Variants in ROBO2 observed in about 807,000 individuals in gnomAD.
The protein encoded by ROBO2 is roundabout guidance receptor 2.
ROBO2 carries 53 observed loss-of-function variants against 160.8 expected under a neutral mutation model. The observed-to-expected ratio is 0.33, with a 90% CI of 0.26 to 0.41. The LOEUF (loss-of-function observed/expected upper bound fraction) is 0.41, where lower values mean the gene tolerates loss of function less well. ROBO2 is among the 10% of genes least tolerant of loss of function. The pLI is 1.00. For synonymous variants in ROBO2, 664 were observed against 611.7 expected (o/e 1.09, Z -1.26); for missense variants, 1,577 against 1,722.4 (o/e 0.92, Z 1.49).
At chr3:76,061,131 C>T (rs567266391) in intron 2 of ROBO2, among the ~76,000 whole-genome samples, 56 of 152,156 alleles carry the variant, frequency 3.7e-4, no homozygotes, top group Non-Finnish European at 7.5e-4. Flanking sequence ...AAGGTGACTT[C>T]ACATGTGCAA....
chr3:77,647,840 A>G (rs1333625846), exon 26 of ROBO2: 2 of 152,162 alleles, frequency 1.3e-5, no homozygotes, highest in Admixed American at 6.6e-5. Context: ...TTCGCACTCC[A>G]TGCATTATTG....
intron 2 of ROBO2, among the ~76,000 whole-genome samples, chr3:77,215,829 G>A (rs2151144381): frequency 6.6e-6 from 1 of 152,290 alleles, no homozygotes; most frequent in Non-Finnish European, 1.5e-5. Flanking sequence ...GTCTGTTGGA[G>A]TTTGCTGGAG....
At chr3:77,237,010 A>T (rs1329353409) in intron 2 of ROBO2, among the ~76,000 whole-genome samples, 1 of 151,914 alleles carries the variant, frequency 6.6e-6, no homozygotes, top group Admixed American at 6.6e-5. Flanking sequence ...AGTAGCTAGG[A>T]CTACAGGCAC....
At chr3:76,573,005 T>A (rs915546143) in intron 2 of ROBO2, among the ~76,000 whole-genome samples, 1 of 152,182 alleles carries the variant, frequency 6.6e-6, no homozygotes, top group Non-Finnish European at 1.5e-5. Context: ...ATTTGTGTAG[T>A]AGGAATCCAG....
intron 1 of ROBO2, among the ~76,000 whole-genome samples, chr3:75,936,081 C>A (rs1332383608): frequency 6.6e-6 from 1 of 152,166 alleles, no homozygotes; most frequent in East Asian, 1.9e-4. Context: ...GGTACTTAAA[C>A]TGTCACTGTC....
intron 16 of ROBO2, among the ~76,000 whole-genome samples, chr3:77,585,535 A>G (rs2094023456): frequency 6.6e-6 from 1 of 152,064 alleles, no homozygotes; most frequent in Non-Finnish European, 1.5e-5. Flanking sequence ...AGAAAATAAT[A>G]TATCTATCTT....
At chr3:76,808,510 A>G (rs2064915666) in intron 2 of ROBO2, among the ~76,000 whole-genome samples, 1 of 152,156 alleles carries the variant, frequency 6.6e-6, no homozygotes. Flanking sequence ...GACAAAAAAT[A>G]AGCAATGTAA....
At chr3:77,355,547 G>T (rs775319345) in intron 2 of ROBO2, among the ~76,000 whole-genome samples, 1 of 152,034 alleles carries the variant, frequency 6.6e-6, no homozygotes, top group African/African-American at 2.4e-5. Flanking sequence ...GCTGAGATGC[G>T]GATTCAGGAA....
intron 2 of ROBO2, among the ~76,000 whole-genome samples, chr3:76,924,779 T>C (rs2076875470): frequency 6.6e-6 from 1 of 152,256 alleles, no homozygotes; most frequent in Admixed American, 6.5e-5. Flanking sequence ...CTGATTGGTA[T>C]GTCCCTTCTG....
intron 2 of ROBO2, among the ~76,000 whole-genome samples, chr3:77,288,261 G>A (rs1313930535): frequency 2.0e-5 from 3 of 152,198 alleles, no homozygotes; most frequent in Non-Finnish European, 4.4e-5. Context: ...AAGGATGATG[G>A]TAGTGGGTAG....
chr3:76,459,052 A>G (rs1379522354), intron 2 of ROBO2, among the ~76,000 whole-genome samples: 3 of 152,188 alleles, frequency 2.0e-5, no homozygotes, highest in Non-Finnish European at 2.9e-5. Flanking sequence ...CTCAAAATGT[A>G]TAAATATTCC....
At chr3:77,576,725 T>C (rs550952119) in intron 14 of ROBO2, among the ~76,000 whole-genome samples, 26 of 152,252 alleles carry the variant, frequency 1.7e-4, no homozygotes, top group African/African-American at 4.6e-4. Flanking sequence ...CCATTTCACA[T>C]TTGACCCAAC....
rs146710905 is a variant in ROBO2, at chr3:76,524,151, T to A, written c.110-573863T>A. On this transcript the variant is annotated intron_variant, in intron 2 of 26. Transcript: ENST00000487694. The stretch of plus-strand genomic sequence containing the variant: ...AGAAAATGATCATAACAGATGTTAA[T>A]GAACTTGTGAATTTGTGTACAAATC... 1.7e-3 allele frequency among the ~76,000 whole-genome samples: 264 copies of A among 152,200 alleles called. 1 individual carries two copies. Among genetic ancestry groups the A allele is most frequent in the South Asian group, 0.013 (65 of 4,824 alleles).
At chr3:77,441,116 C>G (rs1322898549) in intron 2 of ROBO2, among the ~76,000 whole-genome samples, 1 of 151,946 alleles carries the variant, frequency 6.6e-6, no homozygotes, top group African/African-American at 2.4e-5. Context: ...CCCTCTGGAC[C>G]TTTCCTCTTT....
At chr3:76,933,337 T>A (rs1212720971) in intron 2 of ROBO2, among the ~76,000 whole-genome samples, 7 of 152,204 alleles carry the variant, frequency 4.6e-5, no homozygotes, top group Non-Finnish European at 4.4e-5. Context: ...GTGAACTATA[T>A]CTAATTACTT....
At chr3:76,350,135 T>A (rs1378444366) in intron 2 of ROBO2, among the ~76,000 whole-genome samples, 2 of 152,056 alleles carry the variant, frequency 1.3e-5, no homozygotes, top group Admixed American at 1.3e-4. Flanking sequence ...CCATTATCAA[T>A]GGCAAAGTCA....
At chr3:76,602,462 C>T (rs576927784) in intron 2 of ROBO2, among the ~76,000 whole-genome samples, 1 of 152,336 alleles carries the variant, frequency 6.6e-6, no homozygotes, top group South Asian at 2.1e-4. Context: ...TTTAATTCAA[C>T]TCACAGTTCC....
intron 6 of ROBO2, among the ~76,000 whole-genome samples, chr3:77,546,113 T>C (rs766688956): frequency 6.6e-6 from 1 of 152,174 alleles, no homozygotes; most frequent in Non-Finnish European, 1.5e-5. Context: ...AGGATTACAA[T>C]GTACAACATA....
intron 2 of ROBO2, among the ~76,000 whole-genome samples, chr3:76,619,128 C>T (rs1175252386): frequency 6.6e-6 from 1 of 151,632 alleles, no homozygotes; most frequent in Non-Finnish European, 1.5e-5. Flanking sequence ...ATCACGAGGT[C>T]AGGAGATCGA....
Sources: allele counts gnomAD v4.1 joint callset (sites outside exome capture counted in the v4.1 genomes callset), GRCh38; gene constraint gnomAD v4.1.1; transcripts MANE v1.5; gene names NCBI Gene and HGNC (gene_info 2026-07-23, HGNC 2026-07-21).